Variants in ZMIZ1 observed in about 807,000 individuals in gnomAD.
ZMIZ1 encodes zinc finger MIZ-type containing 1.
Under a neutral mutation model 113.9 loss-of-function variants are expected in ZMIZ1, and 17 were observed. That is an observed-to-expected ratio of 0.15 (90% CI 0.10 to 0.22). The LOEUF is 0.22. Among genes scored for constraint, ZMIZ1 ranks in the 10% least tolerant of loss-of-function variants. The pLI, the probability that ZMIZ1 is intolerant of heterozygous loss-of-function variation, is 1.00. For missense variants in ZMIZ1, 1,059 were observed against 1,477.8 expected (o/e 0.72, Z 4.65); for synonymous variants, 607 against 603.1 (o/e 1.01, Z -0.09).
At chr10:79,090,521 T>TGGCATG (rs1227268604) in intron 1 of ZMIZ1, among the ~76,000 whole-genome samples, 1 of 152,178 alleles carries the variant, frequency 6.6e-6, no homozygotes, top group Non-Finnish European at 1.5e-5. Context: ...GTCACCCTAC[T>TGGCATG]GGCATGTGGG....
In ZMIZ1 at chr10:79,296,622, C is replaced by T; in HGVS notation, c.1382C>T (p.Pro461Leu). The T allele has an allele frequency of 6.3e-7, 1 of 1,590,860 alleles. No homozygotes were observed. The highest frequency in any genetic ancestry group is 8.6e-7 in the Non-Finnish European group (1 of 1,167,644). The change falls in exon 13 of 25, where the codon CCC becomes CTC. Residue 461 changes from proline (P) to leucine (L), a missense_variant. Transcript: ENST00000334512. This position sits in a 1 kb window ranked among gnomAD's most constrained non-coding sequence, Gnocchi z 4.1. ...PSQPSSGQYPPPTVNMGQYYK... is the reference protein window; with the variant it reads ...PSQPSSGQYPLPTVNMGQYYK... ...CAGCCGAGCTCCGGGCAGTACCCGC[C>T]CCCCACGGTCAACATGGGGCAGTAT... is the stretch of plus-strand genomic sequence containing the variant.
At chr10:79,237,262 G>C (rs141356799) in intron 7 of ZMIZ1, among the ~76,000 whole-genome samples, 1 of 152,204 alleles carries the variant, frequency 6.6e-6, no homozygotes, top group Admixed American at 6.5e-5. Flanking sequence ...TGGGTCACGC[G>C]GGGGGCTCAG....
At chr10:79,272,556 G>GC (rs1487936489) in intron 7 of ZMIZ1, among the ~76,000 whole-genome samples, 121 of 152,360 alleles carry the variant, frequency 7.9e-4, no homozygotes, top group African/African-American at 2.9e-3. Flanking sequence ...ACTCAGCAGT[G>GC]GGGGCCATGT....
chr10:79,127,253 C>T (rs1467241858), intron 2 of ZMIZ1, among the ~76,000 whole-genome samples: 1 of 152,174 alleles, frequency 6.6e-6, no homozygotes, highest in Non-Finnish European at 1.5e-5. Context: ...GGCTCCTCCC[C>T]ATAGCCCTGG....
At chr10:79,273,098 G>A (rs1203917770) in intron 7 of ZMIZ1, among the ~76,000 whole-genome samples, 2 of 152,192 alleles carry the variant, frequency 1.3e-5, no homozygotes, top group East Asian at 3.9e-4. Context: ...TTGTTTAGGG[G>A]TCAGAAGCAG....
At chr10:79,308,098 C>T (rs780946851) in intron 23 of ZMIZ1, among the ~76,000 whole-genome samples, 2 of 152,214 alleles carry the variant, frequency 1.3e-5, no homozygotes, top group South Asian at 2.1e-4. Context: ...TGGCTGAGGA[C>T]GTCCCTGGTG....
chr10:79,277,029 C>T (rs1428612388), intron 7 of ZMIZ1, 152 bp from the exon 8 acceptor site: 2 of 986,198 alleles, frequency 2.0e-6, no homozygotes, highest in Non-Finnish European at 1.4e-6. Flanking sequence ...ACTGAGGCCT[C>T]CCAAGAGGGC....
chr10:79,292,434 G>A, intron 11 of ZMIZ1, 78 bp downstream of exon 11: 2 of 1,548,626 alleles, frequency 1.3e-6, no homozygotes, highest in Non-Finnish European at 8.8e-7. Flanking sequence ...GAGTTGGGAT[G>A]TCAGTGCTTA....
chr10:79,102,687 C>G (rs916849135), intron 1 of ZMIZ1, among the ~76,000 whole-genome samples: 2 of 152,226 alleles, frequency 1.3e-5, no homozygotes, highest in Admixed American at 6.5e-5. Flanking sequence ...CAGTGCTGGC[C>G]TAGCACCAGG....
chr10:79,114,895 G>A (rs537778718), intron 1 of ZMIZ1, among the ~76,000 whole-genome samples: 13 of 152,170 alleles, frequency 8.5e-5, no homozygotes, highest in South Asian at 6.2e-4. Context: ...GGACTCAGAG[G>A]GACCTGGAGG....
chr10:79,213,544 C>T (rs144463538), intron 6 of ZMIZ1, among the ~76,000 whole-genome samples: 2,095 of 152,298 alleles, frequency 0.014, 46 homozygotes, highest in African/African-American at 0.048. Flanking sequence ...CCCTTAGAGC[C>T]GCCATACAGC....
intron 4 of ZMIZ1, among the ~76,000 whole-genome samples, chr10:79,188,848 G>C (rs1847470082): frequency 6.6e-6 from 1 of 152,174 alleles, no homozygotes; most frequent in East Asian, 1.9e-4. Context: ...ATTTTGTAAG[G>C]CCCTTCCCAT....
intron 8 of ZMIZ1, among the ~76,000 whole-genome samples, chr10:79,289,412 T>A (rs914663741): frequency 1.3e-5 from 2 of 152,132 alleles, no homozygotes; most frequent in Non-Finnish European, 2.9e-5. Context: ...CCCAGGCTCT[T>A]CCTAAAGGGC....
intron 7 of ZMIZ1, among the ~76,000 whole-genome samples, chr10:79,239,763 G>A (rs1234605188): frequency 2.0e-5 from 3 of 152,126 alleles, no homozygotes; most frequent in South Asian, 4.1e-4. Flanking sequence ...TACATCCTAG[G>A]TGGCTTGATT....
chr10:79,172,942 T>A (rs879818468), intron 4 of ZMIZ1, among the ~76,000 whole-genome samples: 5 of 152,108 alleles, frequency 3.3e-5, no homozygotes, highest in Non-Finnish European at 7.4e-5. Flanking sequence ...ATAATACAGG[T>A]GTTTAAATGG....
At chr10:79,308,494 G>A (rs1247760233) in intron 23 of ZMIZ1, among the ~76,000 whole-genome samples, 2 of 152,166 alleles carry the variant, frequency 1.3e-5, no homozygotes, top group Non-Finnish European at 2.9e-5. Context: ...GAGAGGGCCC[G>A]GGGTCCTGCC....
chr10:79,216,764 A>T (rs1848749958), intron 7 of ZMIZ1, among the ~76,000 whole-genome samples: 1 of 152,200 alleles, frequency 6.6e-6, no homozygotes, highest in South Asian at 2.1e-4. Context: ...ACGTTCATTC[A>T]TTCCCCAAAA....
At chr10:79,200,492 A>C (rs1168333780) in intron 4 of ZMIZ1, among the ~76,000 whole-genome samples, 1 of 151,982 alleles carries the variant, frequency 6.6e-6, no homozygotes, top group African/African-American at 2.4e-5. Flanking sequence ...GGCCCTGAGC[A>C]CTCCCTTCTC....
At position 79,114,508 on chromosome 10, in the gene ZMIZ1, T is replaced by C. The variant is rs143950296; in HGVS notation, c.-336-4407T>C. Among the ~76,000 whole-genome samples, 436 of 64,850 alleles carry C rather than the reference T, an allele frequency of 6.7e-3. 3 individuals carry two copies. Among genetic ancestry groups the C allele is most frequent in the African/African-American group, 0.025 (356 of 14,286 alleles). The allele number at this position is 64,850 out of a possible 152,430, so 42.5% of individuals were successfully genotyped here. A position where few individuals can be genotyped will look rare whatever the true frequency, so the allele number is the denominator to read the frequency against. ...GTGTGTGTGTGCGTGTGTGTGTGCG[T>C]GTGTGTGTGTGTGTGTGTGTGTGTG... On this transcript the variant is annotated intron_variant, in intron 1 of 24. Transcript: ENST00000334512.
Sources: gnomAD v4.1 joint callset for allele counts (sites outside exome capture counted in the v4.1 genomes callset) on GRCh38, gnomAD v4.1.1 for gene constraint, Gnocchi (gnomAD v3.1) non-coding constraint, MANE v1.5 for transcripts, NCBI Gene and HGNC (gene_info 2026-07-23, HGNC 2026-07-21) for gene names.